CDH12: variants seen among roughly 807,000 people sequenced by gnomAD.
CDH12 encodes cadherin 12, also known as cadherin-12.
Under a neutral mutation model 74.1 loss-of-function variants are expected in CDH12, and 41 were observed. That is an observed-to-expected ratio of 0.55 (90% CI 0.43 to 0.72). CDH12 has a LOEUF of 0.72. Among genes scored for constraint, CDH12 ranks in the 30% least tolerant of loss-of-function variants. The pLI is 0.00. For synonymous variants in CDH12, 399 were observed against 355.0 expected (o/e 1.12, Z -1.39); for missense variants, 945 against 977.2 (o/e 0.97, Z 0.44).
chr5:21,824,831 C>T (rs1350230525), intron 8 of CDH12, among the ~76,000 whole-genome samples: 1 of 152,066 alleles, frequency 6.6e-6, no homozygotes, highest in Non-Finnish European at 1.5e-5. Context: ...CCCTCTACTT[C>T]ACACTCTACA....
At chr5:22,193,577 GT>G (rs933330306) in intron 4 of CDH12, among the ~76,000 whole-genome samples, 6 of 152,100 alleles carry the variant, frequency 3.9e-5, no homozygotes, top group African/African-American at 4.8e-5. Flanking sequence ...GCTAATTTGT[GT>G]GTTATTATCA....
chr5:21,846,856 T>A (rs1750199992), intron 7 of CDH12, among the ~76,000 whole-genome samples: 1 of 152,100 alleles, frequency 6.6e-6, no homozygotes, highest in African/African-American at 2.4e-5. Flanking sequence ...AAGAAAATGG[T>A]TTTTTGTAGA....
chr5:21,963,126 G>GAT (rs1756437383), intron 6 of CDH12, among the ~76,000 whole-genome samples: 5 of 147,336 alleles, frequency 3.4e-5, no homozygotes, highest in African/African-American at 1.3e-4. Flanking sequence ...TAGATAGATA[G>GAT]AGAGATGATA....
chr5:22,408,751 C>T (rs960291795), intron 2 of CDH12, among the ~76,000 whole-genome samples: 1 of 150,312 alleles, frequency 6.7e-6, no homozygotes, highest in African/African-American at 2.5e-5. Context: ...GTCAAAACAC[C>T]TGGAAAAAAA....
chr5:22,607,990 G>A (rs1228230776), intron 1 of CDH12, among the ~76,000 whole-genome samples: 4 of 152,210 alleles, frequency 2.6e-5, no homozygotes, highest in East Asian at 3.9e-4. Context: ...GAGAACCTCC[G>A]CTAGAGTAGT....
intron 3 of CDH12, among the ~76,000 whole-genome samples, chr5:22,395,142 G>A (rs1254029579): frequency 6.6e-6 from 1 of 152,128 alleles, no homozygotes; most frequent in Non-Finnish European, 1.5e-5. Flanking sequence ...TATCTGAGCA[G>A]GATCTAAATC....
intron 2 of CDH12, among the ~76,000 whole-genome samples, chr5:22,425,172 A>ATAAATATATATATATATATAT (rs1554039892): frequency 1.2e-5 from 1 of 83,454 alleles, no homozygotes; most frequent in African/African-American, 4.4e-5. Flanking sequence ...TATATATATA[A>ATAAATATATATATATATATAT]ATATATATAT....
intron 3 of CDH12, among the ~76,000 whole-genome samples, chr5:22,337,987 C>A (rs921733431): frequency 1.3e-5 from 2 of 152,122 alleles, no homozygotes; most frequent in Non-Finnish European, 2.9e-5. Flanking sequence ...TAAGTTAGTA[C>A]AACCACTCTG....
intron 1 of CDH12, among the ~76,000 whole-genome samples, chr5:22,625,845 A>G (rs943730787): frequency 3.9e-4 from 59 of 152,066 alleles, no homozygotes; most frequent in Non-Finnish European, 3.5e-4. Context: ...CAACCAGCCC[A>G]CTTTCAGCAT....
intron 7 of CDH12, among the ~76,000 whole-genome samples, chr5:21,847,277 A>C (rs1034177968): frequency 1.3e-5 from 2 of 152,080 alleles, no homozygotes; most frequent in African/African-American, 2.4e-5. Flanking sequence ...CACTTCCTTT[A>C]GATCTTTTTT....
chr5:22,481,464 C>T (rs557378987), intron 2 of CDH12, among the ~76,000 whole-genome samples: 7 of 152,172 alleles, frequency 4.6e-5, no homozygotes, highest in South Asian at 2.1e-4. Flanking sequence ...CAACCTAAAG[C>T]TACAGATGAA....
intron 1 of CDH12, among the ~76,000 whole-genome samples, chr5:22,576,755 G>A (rs548463314): frequency 6.6e-6 from 1 of 152,240 alleles, no homozygotes; most frequent in African/African-American, 2.4e-5. Flanking sequence ...GTTCAGTGGG[G>A]AGAGAATTGA....
intron 1 of CDH12, among the ~76,000 whole-genome samples, chr5:22,741,813 T>C (rs1239063016): frequency 6.6e-6 from 1 of 152,224 alleles, no homozygotes; most frequent in African/African-American, 2.4e-5. Context: ...TGGGTTGGAA[T>C]AGATACTGTG....
chr5:22,714,783 G>T (rs1261640796), intron 1 of CDH12, among the ~76,000 whole-genome samples: 1 of 152,122 alleles, frequency 6.6e-6, no homozygotes, highest in African/African-American at 2.4e-5. Flanking sequence ...CCTGTTCCAA[G>T]AAAAATGTGC....
At chr5:22,018,244 T>C (rs544523356) in intron 5 of CDH12, among the ~76,000 whole-genome samples, 1 of 152,306 alleles carries the variant, frequency 6.6e-6, no homozygotes, top group East Asian at 1.9e-4. Context: ...CTCTCTATGA[T>C]AAAGACTTAT....
chr5:22,465,105 A>G (rs1745675674), intron 2 of CDH12, among the ~76,000 whole-genome samples: 1 of 151,958 alleles, frequency 6.6e-6, no homozygotes, highest in Non-Finnish European at 1.5e-5. Context: ...ACATCTCTCT[A>G]GTTCTAATAT....
chr5:22,743,370 C>T (rs141299734), intron 1 of CDH12, among the ~76,000 whole-genome samples: 94 of 150,920 alleles, frequency 6.2e-4, no homozygotes, highest in African/African-American at 2.2e-3. Context: ...TGAATGCATG[C>T]TATTAAGCAT....
At chr5:21,865,111 T>C (rs887058213) in intron 6 of CDH12, among the ~76,000 whole-genome samples, 3 of 152,174 alleles carry the variant, frequency 2.0e-5, no homozygotes, top group East Asian at 3.9e-4. Flanking sequence ...CCTAGGACTT[T>C]GTGGAAAGTA....
chr5:22,430,578 T>C (rs1221673436), intron 2 of CDH12, among the ~76,000 whole-genome samples: 1 of 152,166 alleles, frequency 6.6e-6, no homozygotes, highest in African/African-American at 2.4e-5. Context: ...AGTGCTGCAG[T>C]TATTGAAAAT....
Sources: gnomAD v4.1 joint callset for allele counts (sites outside exome capture counted in the v4.1 genomes callset) on GRCh38, gnomAD v4.1.1 for gene constraint, MANE v1.5 for transcripts, NCBI Gene and HGNC (gene_info 2026-07-23, HGNC 2026-07-21) for gene names.